The following GRB10 variants were observed in gnomAD, a reference collection of about 807,000 sequenced individuals.
GRB10 encodes the protein growth factor receptor-bound protein 10.
Under a neutral mutation model 80.9 loss-of-function variants are expected in GRB10, and 20 were observed. The ratio of observed to expected loss-of-function variants is 0.25; its 90% CI spans 0.17 to 0.36. The LOEUF is 0.36. Among genes scored for constraint, GRB10 ranks in the 10% least tolerant of loss-of-function variants. GRB10 has a pLI of 1.00. For synonymous variants in GRB10, 291 were observed against 291.5 expected, an observed-to-expected ratio of 1.00 and a Z score of 0.02; for missense variants, 548 against 747.7, an observed-to-expected ratio of 0.73 and a Z score of 3.12.
chr7:50,742,501 CG>C lies in GRB10; in HGVS notation c.-46-10134del, dbSNP rs148962046. ...CCGGACATACAGCATGGGCATCACC[CG>C]GGTGCTTGTTAACACACAAATTCTG... is the stretch of plus-strand genomic sequence containing the variant. On this transcript the variant is annotated intron_variant, in intron 3 of 18. Coordinates refer to ENST00000401949, the MANE Select transcript of GRB10 (RefSeq NM_001350814.2). Among the ~76,000 whole-genome samples the C allele has an allele frequency of 6.2e-4, 94 of 152,290 alleles. 1 individual carries two copies. In the East Asian group the frequency reaches 0.017, roughly 27 times the overall value.
intron 7 of GRB10, chr7:50,645,587 T>C: frequency 6.1e-6 from 6 of 984,666 alleles, no homozygotes; most frequent in Non-Finnish European, 7.2e-6. Flanking sequence ...AAACTGACTG[T>C]GCACATCTTA....
chr7:50,704,010 CT>C, intron 4 of GRB10, 102 bp from the exon 5 acceptor site: 1 of 763,092 alleles, frequency 1.3e-6, no homozygotes. Context: ...TCCTCAATTC[CT>C]TACTTCCTTT....
intron 7 of GRB10, among the ~76,000 whole-genome samples, chr7:50,656,273 C>T (rs116804689): frequency 0.019 from 2,828 of 152,280 alleles, 108 homozygotes; most frequent in African/African-American, 0.064. Flanking sequence ...TGCTTGCTAT[C>T]GGTCACTCTG....
intron 13 of GRB10, chr7:50,606,620 A>G (rs1245724908): frequency 1.7e-6 from 1 of 590,178 alleles, no homozygotes; most frequent in South Asian, 1.9e-5. Context: ...ATCCGAGTAT[A>G]GCTTTTGACT....
chr7:50,702,523 G>A (rs1359790241), intron 5 of GRB10, among the ~76,000 whole-genome samples: 2 of 152,148 alleles, frequency 1.3e-5, no homozygotes, highest in Non-Finnish European at 2.9e-5. Flanking sequence ...ATTGAGAGGT[G>A]GCCAATGTCA....
At chr7:50,634,320 C>G (rs1444094452) in intron 7 of GRB10, among the ~76,000 whole-genome samples, 4 of 152,130 alleles carry the variant, frequency 2.6e-5, no homozygotes, top group Non-Finnish European at 5.9e-5. Context: ...AGAAATAAAG[C>G]CTTTCCCAGA....
chr7:50,722,281 G>A (rs2067884143), intron 4 of GRB10, among the ~76,000 whole-genome samples: 1 of 152,146 alleles, frequency 6.6e-6, no homozygotes, highest in Non-Finnish European at 1.5e-5. Context: ...AGGACTTCCT[G>A]CAAGGGTCAT....
chr7:50,780,008 G>A lies in GRB10; in HGVS notation c.-217+619C>T, dbSNP rs890277316. On this transcript the variant is annotated intron_variant, in intron 2 of 18. Coordinates refer to ENST00000401949, the MANE Select transcript of GRB10 (RefSeq NM_001350814.2). ...AAAAAAAGGGAAGAAAGAAGCAAAC[G>A]GGGCCAATAAATGCCTACTGGCCCC... Among the ~76,000 whole-genome samples, 5 of 152,130 alleles carry A rather than the reference G, an allele frequency of 3.3e-5. No individual in the cohort carries two copies. The East Asian group carries it at 5.8e-4, about 18-fold the overall frequency.
At chr7:50,650,752 G>C (rs1032419525) in intron 7 of GRB10, among the ~76,000 whole-genome samples, 1 of 152,200 alleles carries the variant, frequency 6.6e-6, no homozygotes. Flanking sequence ...CCAAGGCTAC[G>C]ACACCAGGTG....
chr7:50,595,616 C>G, intron 17 of GRB10, 86 bp from the exon 18 acceptor site: 1 of 758,032 alleles, frequency 1.3e-6, no homozygotes, highest in South Asian at 1.4e-5. Context: ...CACACACACA[C>G]ACACACACAC....
chr7:50,762,360 A>T (rs1231181470), intron 2 of GRB10, among the ~76,000 whole-genome samples: 2 of 151,572 alleles, frequency 1.3e-5, no homozygotes, highest in Non-Finnish European at 2.9e-5. Context: ...AGCCAAAAGA[A>T]GATCAGAAGG....
At chr7:50,725,540 A>G (rs903864484) in intron 4 of GRB10, among the ~76,000 whole-genome samples, 1 of 152,348 alleles carries the variant, frequency 6.6e-6, no homozygotes, top group South Asian at 2.1e-4. Context: ...TTACAACAGA[A>G]AAGGCAACCA....
chr7:50,604,268 T>G lies in GRB10; in HGVS notation c.1456+43A>C, dbSNP rs1450576708. The G allele has an allele frequency of 5.2e-6, 8 of 1,542,438 alleles. No homozygotes were observed. The South Asian group carries it at 8.9e-5, about 17-fold the overall frequency. The stretch of plus-strand genomic sequence containing the variant: ...GGGAGTGGAGGGGGGTGCTGTTTGA[T>G]TTTCTTTATGTACAAAAACATCAGG... On this transcript the variant is annotated intron_variant, in intron 16 of 18. Coordinates refer to ENST00000401949, the MANE Select transcript of GRB10 (RefSeq NM_001350814.2).
At chr7:50,744,348 AT>A (rs779095443) in intron 3 of GRB10, among the ~76,000 whole-genome samples, 109 of 152,306 alleles carry the variant, frequency 7.2e-4, no homozygotes, top group Non-Finnish European at 1.1e-3. Context: ...CCCTGGGAAT[AT>A]TGGCATGGAG....
chr7:50,779,082 T>C (rs2078009006), intron 2 of GRB10: 2 of 152,244 alleles, frequency 1.3e-5, no homozygotes, highest in Admixed American at 1.3e-4. Context: ...TAGAAAATTC[T>C]TGGTACAAAA....
At chr7:50,641,440 A>C (rs757367875) in intron 7 of GRB10, among the ~76,000 whole-genome samples, 1 of 152,176 alleles carries the variant, frequency 6.6e-6, no homozygotes, top group Non-Finnish European at 1.5e-5. Context: ...GTTTCCCTGA[A>C]GGGCATCCTA....
intron 5 of GRB10, among the ~76,000 whole-genome samples, chr7:50,688,223 C>A (rs2062339328): frequency 6.6e-6 from 1 of 152,206 alleles, no homozygotes; most frequent in South Asian, 2.1e-4. Context: ...ACAAATCCAA[C>A]ATCTTTCAGT....
rs144272311 is a variant in GRB10, at chr7:50,598,531, G to A, written c.1545-3001C>T. On this transcript the variant is annotated intron_variant, in intron 17 of 18. Coordinates refer to ENST00000401949, the MANE Select transcript of GRB10 (RefSeq NM_001350814.2). The stretch of plus-strand genomic sequence containing the variant: ...GTGATCAGAGTACAATCTAGACCAC[G>A]TTTACAAGCAAGACACCGTGCAAAG... Among the ~76,000 whole-genome samples the A allele has an allele frequency of 4.3e-3, 655 of 152,224 alleles. 3 individuals are homozygous for A. Among genetic ancestry groups the A allele is most frequent in the Non-Finnish European group, 7.4e-3 (503 of 68,024 alleles).
intron 3 of GRB10, among the ~76,000 whole-genome samples, chr7:50,751,343 A>C (rs546189121): frequency 1.3e-5 from 2 of 152,224 alleles, no homozygotes; most frequent in Non-Finnish European, 2.9e-5. Flanking sequence ...AAACAGCAAA[A>C]ACCTGGAAAC....
Sources: gnomAD v4.1 joint callset for allele counts (sites outside exome capture counted in the v4.1 genomes callset) on GRCh38, gnomAD v4.1.1 for gene constraint, MANE v1.5 for transcripts, NCBI Gene and HGNC (gene_info 2026-07-23, HGNC 2026-07-21) for gene names.